PLAG1: variants seen among roughly 807,000 people sequenced by gnomAD.
The protein encoded by PLAG1 is zinc finger protein PLAG1.
Under a neutral mutation model 35.5 loss-of-function variants are expected in PLAG1, and 7 were observed. That is an observed-to-expected ratio of 0.20 (90% CI 0.11 to 0.37). The LOEUF (loss-of-function observed/expected upper bound fraction) is 0.37. Ranked by LOEUF, PLAG1 falls within the 10% of genes least tolerant of loss-of-function variation. The pLI is 1.00. For missense variants in PLAG1, 454 were observed against 602.8 expected (o/e 0.75, Z 2.58); for synonymous variants, 229 against 225.4 (o/e 1.02, Z -0.14).
At chr8:56,200,072 C>G (rs143112393) in intron 1 of PLAG1, among the ~76,000 whole-genome samples, 84 of 152,258 alleles carry the variant, frequency 5.5e-4, no homozygotes, top group African/African-American at 1.9e-3. Context: ...ATTCTGCTCA[C>G]CCCTGACACC....
chr8:56,166,596 A>C lies in PLAG1; in HGVS notation c.1150T>G (p.Leu384Val). 1.9e-6 allele frequency: 3 copies of C among 1,614,046 alleles called. No individual in the cohort carries two copies. Among genetic ancestry groups the C allele is most frequent in the South Asian group, 1.1e-5 (1 of 91,072 alleles). ...SQASSSSKLG[L>V]DPQIGSLDDG... ...TCTAGGGACCCAATCTGAGGATCCA[A>C]CCCTAGCTTAGATGATGACGATGCT... The change falls in exon 5 of 5, where the codon TTG becomes GTG. Residue 384 changes from leucine (L) to valine (V), a missense_variant. By Grantham distance (32) the Leu-to-Val change is conservative. This residue lies in a region of PLAG1 where 271 missense variants were observed against 315.6 expected (regional missense o/e 0.86). Transcript: ENST00000316981.
At chr8:56,188,405 T>C (rs1563385509) in intron 1 of PLAG1, among the ~76,000 whole-genome samples, 1 of 152,260 alleles carries the variant, frequency 6.6e-6, no homozygotes. Flanking sequence ...GTGTGATAGC[T>C]GATGCTTCTA....
At chr8:56,199,747 T>G (rs1812496653) in intron 1 of PLAG1, among the ~76,000 whole-genome samples, 1 of 151,554 alleles carries the variant, frequency 6.6e-6, no homozygotes, top group Non-Finnish European at 1.5e-5. Context: ...GATCCTCCCC[T>G]ACAGGAGGGC....
At chr8:56,191,796 T>C (rs182059952) in intron 1 of PLAG1, among the ~76,000 whole-genome samples, 3 of 141,122 alleles carry the variant, frequency 2.1e-5, no homozygotes, top group East Asian at 2.0e-4. Context: ...ACATCAATAA[T>C]CTAAAACACA....
chr8:56,205,438 A>G (rs1812669645), intron 1 of PLAG1, among the ~76,000 whole-genome samples: 1 of 151,878 alleles, frequency 6.6e-6, no homozygotes, highest in South Asian at 2.1e-4. Flanking sequence ...GGCTTTGGGG[A>G]TCTATTTTAA....
In PLAG1 at chr8:56,168,038, T is replaced by G. The variant is rs1228888857; in HGVS notation, c.232A>C (p.Lys78Gln). ...AATAGAGTTTAATACCTTTGTAATT[T>G]GTACTTAGAAACAAAGGCCTTGGTG... The part of the protein sequence containing the change: ...DCTKAFVSKY[K>Q]LQRHMATHSP... Residue 78 changes from lysine to glutamine, a missense_variant, in exon 4 of 5, where the codon AAA becomes CAA. Physicochemically the swap from Lys to Gln is moderately conservative, Grantham distance 53. Coordinates refer to ENST00000316981, the MANE Select transcript of PLAG1 (RefSeq NM_002655.3). 6.5e-7 allele frequency: 1 copy of G among 1,544,482 alleles called. No individual in the cohort carries two copies. Among genetic ancestry groups the G allele is most frequent in the African/African-American group, 1.4e-5 (1 of 72,962 alleles).
rs1478917861 is a variant in PLAG1 at position 56,168,186 on chromosome 8, G to C, written c.84C>G (p.Thr28=). ...VPSGKRKRGE[T]KPRKNFPCQL... is the part of the protein sequence containing the mutation. ...GGCAAGGAAAGTTTTTTCTTGGTTT[G>C]GTTTCACCACGCTTACGTTTCCCTG... is the stretch of plus-strand genomic sequence containing the variant. The change falls in exon 4 of 5, where the codon ACC becomes ACG. Residue 28 remains threonine (T), a synonymous_variant. Coordinates refer to ENST00000316981, the MANE Select transcript of PLAG1 (RefSeq NM_002655.3). 2 of 1,613,680 alleles carry C rather than the reference G, an allele frequency of 1.2e-6. No individual in the cohort carries two copies. The highest frequency in any genetic ancestry group is 1.7e-6 in the Non-Finnish European group (2 of 1,179,790).
chr8:56,187,151 T>C (rs1036163839), intron 1 of PLAG1, among the ~76,000 whole-genome samples: 3 of 152,166 alleles, frequency 2.0e-5, no homozygotes, highest in African/African-American at 7.2e-5. Context: ...GGATCTGGGG[T>C]GGCCCCTACA....
In PLAG1 at chr8:56,178,019, C is replaced by T. The variant is rs1284656782; in HGVS notation, c.-217+1390G>A. 1.1e-5 allele frequency: 11 copies of T among 982,274 alleles called. No individual in the cohort carries two copies. In the South Asian group the frequency reaches 2.4e-4, roughly 21 times the overall value. 60.8% of individuals were successfully genotyped at this position (982,274 alleles called of 1,614,324 possible). On this transcript the variant is annotated intron_variant, in intron 2 of 4. Transcript: ENST00000316981. The stretch of plus-strand genomic sequence containing the variant: ...CTGGGTAGCACTCAGCCAGCCTGGA[C>T]GTTTAGAACACTTCTGCTTTAAATG...
At chr8:56,196,951 C>CGTGTGTGTGTGTGTGCGTGT (rs1812389513) in intron 1 of PLAG1, among the ~76,000 whole-genome samples, 2 of 142,962 alleles carry the variant, frequency 1.4e-5, no homozygotes, top group African/African-American at 2.7e-5. Context: ...CCCTAGTGTG[C>CGTGTGTGTGTGTGTGCGTGT]GTGTGTGTGT....
Position 56,211,232 on chromosome 8 carries a change from T to C in PLAG1, c.-433A>G, listed in dbSNP as rs1812904020. 1 of 153,450 alleles carries C rather than the reference T, an allele frequency of 6.5e-6. No individual in the cohort carries two copies. The highest frequency in any genetic ancestry group is 1.5e-5 in the Non-Finnish European group (1 of 68,264). 9.5% of individuals were successfully genotyped at this position (153,450 alleles called of 1,614,324 possible). On this transcript the variant is annotated 5_prime_UTR_variant, in exon 1 of 5. Transcript: ENST00000316981. ...GGCTGGACGCGGCGGGCCTGGAAATTGTTTCCTTACGCCTCTTTCCAGCAG... is the reference window on the plus strand; with the variant it reads ...GGCTGGACGCGGCGGGCCTGGAAATCGTTTCCTTACGCCTCTTTCCAGCAG...
chr8:56,195,197 T>C (rs761531831), intron 1 of PLAG1, among the ~76,000 whole-genome samples: 11 of 152,198 alleles, frequency 7.2e-5, no homozygotes, highest in Non-Finnish European at 1.6e-4. Flanking sequence ...ATTTGACCAC[T>C]TGAATGGAAC....
chr8:56,176,442 A>C (rs1585788226), intron 2 of PLAG1, among the ~76,000 whole-genome samples: 1 of 152,122 alleles, frequency 6.6e-6, no homozygotes, highest in East Asian at 1.9e-4. Flanking sequence ...ATGATTGTGT[A>C]TTTTTATCAA....
intron 1 of PLAG1, among the ~76,000 whole-genome samples, chr8:56,179,737 A>G (rs1811809809): frequency 6.6e-6 from 1 of 150,970 alleles, no homozygotes; most frequent in African/African-American, 2.4e-5. Context: ...AATCACAGTT[A>G]TCTAGATTAT....
In PLAG1 at chr8:56,164,697, C is replaced by G; in HGVS notation, c.*1546G>C. 4.6e-6 allele frequency: 1 copy of G among 218,560 alleles called. No homozygotes were observed. Among genetic ancestry groups the G allele is most frequent in the Non-Finnish European group, 9.2e-6 (1 of 108,684 alleles). The allele number at this position is 218,560 out of a possible 1,614,324, so 13.5% of individuals were successfully genotyped here. On this transcript the variant is annotated 3_prime_UTR_variant, in exon 5 of 5. Coordinates refer to ENST00000316981, the MANE Select transcript of PLAG1 (RefSeq NM_002655.3). ...TCTTAGGTTAATGTCCCAACTGACC[C>G]TTAGAAAAATATATTAATTAGACCT...
At chr8:56,198,836 G>C (rs570005781) in intron 1 of PLAG1, among the ~76,000 whole-genome samples, 1 of 152,290 alleles carries the variant, frequency 6.6e-6, no homozygotes, top group African/African-American at 2.4e-5. Flanking sequence ...TGCACCCCGA[G>C]GGAGCTCTAC....
intron 1 of PLAG1, among the ~76,000 whole-genome samples, chr8:56,210,424 C>T (rs1205514041): frequency 6.6e-6 from 1 of 150,886 alleles, no homozygotes; most frequent in Non-Finnish European, 1.5e-5. Context: ...CTCGCAGCCA[C>T]ACACCCCGGG....
chr8:56,164,151 T>C lies in PLAG1; in HGVS notation c.*2092A>G, dbSNP rs1811285721. Reference sequence around the variant, plus strand: ...TATTAACATATATAATTTTAATGCCTTTGGAACACACTTTTTTAATAAATG... The same window carrying C: ...TATTAACATATATAATTTTAATGCCCTTGGAACACACTTTTTTAATAAATG... On this transcript the variant is annotated 3_prime_UTR_variant, in exon 5 of 5. Coordinates refer to ENST00000316981, the MANE Select transcript of PLAG1 (RefSeq NM_002655.3). The C allele has an allele frequency of 5.3e-6, 1 of 188,098 alleles. No individual in the cohort carries two copies. Among genetic ancestry groups the C allele is most frequent in the African/African-American group, 2.3e-5 (1 of 42,794 alleles). The allele number at this position is 188,098 out of a possible 1,614,324, so 11.7% of individuals were successfully genotyped here.
Position 56,198,833 on chromosome 8 carries a change from C to T in PLAG1, c.-322+12288G>A, listed in dbSNP as rs893294913. 5.9e-5 allele frequency among the ~76,000 whole-genome samples: 9 copies of T among 152,332 alleles called. No homozygotes were observed. The East Asian group carries it at 7.7e-4, about 13-fold the overall frequency. ...TTCCTTCATGCTGCCTACTGCACCC[C>T]GAGGGAGCTCTACTAACTACTGTGT... On this transcript the variant is annotated intron_variant, in intron 1 of 4. Coordinates refer to ENST00000316981, the MANE Select transcript of PLAG1 (RefSeq NM_002655.3).
Sources: allele counts gnomAD v4.1 joint callset (sites outside exome capture counted in the v4.1 genomes callset), GRCh38; gene constraint gnomAD v4.1.1; regional missense constraint gnomAD v4.1.1; transcripts MANE v1.5; gene names NCBI Gene and HGNC (gene_info 2026-07-23, HGNC 2026-07-21).